Variants in MPP3 observed in about 807,000 individuals in gnomAD.
MPP3 encodes MAGUK p55 subfamily member 3.
A neutral mutation model predicts 80.7 loss-of-function variants in MPP3; 48 were observed. The observed-to-expected ratio is 0.59, with a 90% CI of 0.47 to 0.76. The LOEUF is 0.76. Ranked by LOEUF, MPP3 falls within the 30% of genes least tolerant of loss-of-function variation. MPP3 has a pLI of 0.00. For synonymous variants in MPP3, 311 were observed against 297.6 expected (o/e 1.04, Z -0.46); for missense variants, 620 against 763.0 (o/e 0.81, Z 2.21).
chr17:43,815,750 A>C, intron 14 of MPP3: 4 of 633,064 alleles, frequency 6.3e-6, no homozygotes, highest in Non-Finnish European at 8.7e-6. Flanking sequence ...AATAAACTCC[A>C]ATTGCAATGA....
At chr17:43,826,933 T>C in intron 8 of MPP3, among the ~76,000 whole-genome samples, 1 of 151,826 alleles carries the variant, frequency 6.6e-6, no homozygotes, top group Middle Eastern at 3.4e-3. Context: ...ACTCCTGGGC[T>C]CAAACAATCT....
chr17:43,827,845 C>G lies in MPP3; in HGVS notation c.442-13G>C, dbSNP rs115752268. 3.0e-5 allele frequency: 48 copies of G among 1,612,590 alleles called. No individual in the cohort carries two copies. Among genetic ancestry groups the G allele is most frequent in the Non-Finnish European group, 3.9e-5 (46 of 1,179,798 alleles). On this transcript the variant is annotated splice_polypyrimidine_tract_variant and intron_variant, in intron 7 of 19. Coordinates refer to ENST00000398389, the MANE Select transcript of MPP3 (RefSeq NM_001932.6). ...GGATGGTGGCACCCTGAACCCGAGACAGAAGAGACAGGTTCTTAAGCAGCA... is the reference window on the plus strand; with the variant it reads ...GGATGGTGGCACCCTGAACCCGAGAGAGAAGAGACAGGTTCTTAAGCAGCA...
In MPP3 at chr17:43,814,291, GGACATCTTT is replaced by G; in HGVS notation, c.1071_1079del (p.Lys358_Ser360del). On this transcript the variant is annotated inframe_deletion, in exon 15 of 20. Transcript: ENST00000398389. ...GCAGCTCCGGAGACTCAGCTCCGGAGGACATCTTTCCTTCCTGCGAGCCACCCAGTCTCT... is the reference window on the plus strand; with the variant it reads ...GCAGCTCCGGAGACTCAGCTCCGGAGCCTTCCTGCGAGCCACCCAGTCTCT... 6.2e-7 allele frequency: 1 copy of G among 1,612,624 alleles called. No homozygotes were observed.
At chr17:43,812,686 C>T (rs942426117) in intron 16 of MPP3, among the ~76,000 whole-genome samples, 14 of 152,204 alleles carry the variant, frequency 9.2e-5, no homozygotes, top group African/African-American at 3.4e-4. Flanking sequence ...GGAAAGTCTC[C>T]TATCTGTGGA....
intron 16 of MPP3, among the ~76,000 whole-genome samples, chr17:43,812,269 C>G (rs1165474195): frequency 6.6e-6 from 1 of 152,222 alleles, no homozygotes; most frequent in Non-Finnish European, 1.5e-5. Context: ...TCTTGAGGCA[C>G]TGTGTCTTCT....
chr17:43,822,087 A>G (rs2045488413), intron 10 of MPP3, among the ~76,000 whole-genome samples: 1 of 152,210 alleles, frequency 6.6e-6, no homozygotes, highest in African/African-American at 2.4e-5. Flanking sequence ...TTCCTCAAAG[A>G]GGTTTCCTCA....
rs2045429472 is a variant in MPP3 at position 43,820,963 on chromosome 17, CA to C, written c.779del (p.Leu260ArgfsTer4). The C allele has an allele frequency of 6.2e-7, 1 of 1,613,542 alleles. No homozygotes were observed. The highest frequency in any genetic ancestry group is 8.5e-7 in the Non-Finnish European group (1 of 1,179,976). On this transcript the variant is annotated frameshift_variant, in exon 11 of 20. Coordinates refer to ENST00000398389, the MANE Select transcript of MPP3 (RefSeq NM_001932.6). LOFTEE classifies it high-confidence loss of function. ...TGGGGTCGTCCTGGCTCACCACCTCCAGGACCTGCCTGCGCTGGAAGGGCAG... is the reference window on the plus strand; with the variant it reads ...TGGGGTCGTCCTGGCTCACCACCTCCGGACCTGCCTGCGCTGGAAGGGCAG... ...AGLPFQRRQV[L>X]EVVSQDDPTW...
chr17:43,801,714 C>T lies in MPP3; in HGVS notation c.1745G>A (p.Ser582Asn). 6.2e-7 allele frequency: 1 copy of T among 1,614,084 alleles called. No individual in the cohort carries two copies. The highest frequency in any genetic ancestry group is 1.7e-5 in the Admixed American group (1 of 60,008). ...TCTGGGATAAAGTTACCTGACCCAA[C>T]TAACAGGTACCCAGTGAGTGTCCTT... ...LSKDTHWVPV[S>N]WVR is the part of the protein sequence containing the mutation. The change falls in exon 20 of 20, where the codon AGT becomes AAT. Residue 582 changes from serine (S) to asparagine (N), a missense_variant. Physicochemically the swap from Ser to Asn is conservative, Grantham distance 46 (BLOSUM62 1). Transcript: ENST00000398389.
At chr17:43,812,903 C>G (rs1341268964) in intron 16 of MPP3, among the ~76,000 whole-genome samples, 2 of 152,208 alleles carry the variant, frequency 1.3e-5, no homozygotes, top group South Asian at 2.1e-4. Flanking sequence ...CCACCTCCCC[C>G]ACATCCCTGC....
At chr17:43,828,922 G>C (rs2045835736) in intron 7 of MPP3, among the ~76,000 whole-genome samples, 1 of 152,224 alleles carries the variant, frequency 6.6e-6, no homozygotes, top group Non-Finnish European at 1.5e-5. Flanking sequence ...AGGAAACAGA[G>C]GCAGAGGAGA....
intron 18 of MPP3, among the ~76,000 whole-genome samples, chr17:43,810,211 A>AT (rs1178253718): frequency 6.6e-6 from 1 of 152,214 alleles, no homozygotes; most frequent in Non-Finnish European, 1.5e-5. Context: ...AAATCCCCAG[A>AT]TTGAGTTCAA....
At chr17:43,811,543 T>C (rs1432963676) in intron 16 of MPP3, 3 of 238,480 alleles carry the variant, frequency 1.3e-5, no homozygotes, top group Non-Finnish European at 2.4e-5. Context: ...CTTATACCCT[T>C]AACCACTCTG....
intron 7 of MPP3, 92 bp downstream of exon 7, chr17:43,829,562 G>T: frequency 6.7e-7 from 1 of 1,486,748 alleles, no homozygotes; most frequent in Non-Finnish European, 9.1e-7. Context: ...CACTCACTCT[G>T]AAGACTTCGG....
intron 8 of MPP3, among the ~76,000 whole-genome samples, chr17:43,826,831 T>TA (rs57570654): frequency 0.26 from 30,712 of 117,650 alleles, 3,320 homozygotes; most frequent in African/African-American, 0.28. Flanking sequence ...TATATATATA[T>TA]TTTTTTTTTT....
Position 43,811,210 on chromosome 17 carries a change from TAAAGAAAGAAGGA to T in MPP3, c.1256-18_1256-6del. ...TCTTTCGGGGCCTGGTGGTATCTTT[TAAAGAAAGAAGGA>T]AAGCTGGGCAAAGAGATGTCACATC... On this transcript the variant is annotated splice_polypyrimidine_tract_variant and splice_region_variant and intron_variant, in intron 16 of 19. Transcript: ENST00000398389. 1 of 1,611,476 alleles carries T rather than the reference TAAAGAAAGAAGGA, an allele frequency of 6.2e-7. No homozygotes were observed. Among genetic ancestry groups the T allele is most frequent in the Non-Finnish European group, 8.5e-7 (1 of 1,177,700 alleles).
chr17:43,828,313 G>A (rs368929010), intron 7 of MPP3, among the ~76,000 whole-genome samples: 9 of 152,270 alleles, frequency 5.9e-5, no homozygotes, highest in African/African-American at 1.4e-4. Flanking sequence ...CCAGGGCTTC[G>A]GGACCAGGAC....
rs748056182 is a variant in MPP3, at chr17:43,831,289, T to C, written c.177A>G (p.Gln59=). The change falls in exon 5 of 20, where the codon CAA becomes CAG. Residue 59 remains glutamine, a synonymous_variant. Coordinates refer to ENST00000398389, the MANE Select transcript of MPP3 (RefSeq NM_001932.6). ...IHEKLRYYER[Q]SPTPVLHSAV... ...CGCTGTGCAGAACTGGGGTTGGACT[T>C]TGCCTTTCATAATAGCGAAGCTTCT... 1 of 1,613,990 alleles carries C rather than the reference T, an allele frequency of 6.2e-7. No individual in the cohort carries two copies. The highest frequency in any genetic ancestry group is 8.5e-7 in the Non-Finnish European group (1 of 1,180,018).
intron 8 of MPP3, among the ~76,000 whole-genome samples, chr17:43,827,066 A>G (rs966288736): frequency 3.3e-5 from 5 of 151,668 alleles, no homozygotes; most frequent in South Asian, 2.1e-4. Context: ...CCCAGGCGGG[A>G]GCGCAATGGC....
Position 43,811,094 on chromosome 17 carries a change from G to GC in MPP3, c.1349+17dup. On this transcript the variant is annotated intron_variant, in intron 17 of 19. Coordinates refer to ENST00000398389, the MANE Select transcript of MPP3 (RefSeq NM_001932.6). ...ACACAACTGCCTGGAGGGCCAACTG[G>GC]CCCATCAAGCAACGTACTTGTTGTG... 2 of 1,605,780 alleles carry GC rather than the reference G, an allele frequency of 1.2e-6. No homozygotes were observed. The highest frequency in any genetic ancestry group is 1.7e-6 in the Non-Finnish European group (2 of 1,172,362).
Sources: allele counts gnomAD v4.1 joint callset (sites outside exome capture counted in the v4.1 genomes callset), GRCh38; gene constraint gnomAD v4.1.1; transcripts MANE v1.5; gene names NCBI Gene and HGNC (gene_info 2026-07-23, HGNC 2026-07-21).